Variants in CLHC1 observed in about 807,000 individuals in gnomAD.
CLHC1 encodes clathrin heavy chain linker domain containing 1.
In CLHC1, 72 loss-of-function variants were observed where a neutral mutation model predicts 69.5. The ratio of observed to expected loss-of-function variants is 1.04; its 90% confidence interval spans 0.86 to 1.26. The LOEUF is 1.26. Ranked by LOEUF, CLHC1 falls within the 50% of genes most tolerant of loss-of-function variation. The probability of loss-of-function intolerance (pLI) is 0.00; values close to 1 mark genes in which losing one functional copy is unlikely to be tolerated. For missense variants in CLHC1, 790 were observed against 679.3 expected, an observed-to-expected ratio of 1.16 and a Z score of -1.81; for synonymous variants, 223 against 224.3, an observed-to-expected ratio of 0.99 and a Z score of 0.05.
At chr2:55,231,980 A>C (rs1001708874) in intron 1 of CLHC1, 1 of 152,272 alleles carries the variant, frequency 6.6e-6, no homozygotes, top group African/African-American at 2.4e-5. Context: ...GAAAGGGCTG[A>C]ACCCCCGCTT....
At chr2:55,185,014 G>T (rs191415494) in intron 9 of CLHC1, among the ~76,000 whole-genome samples, 21 of 149,854 alleles carry the variant, frequency 1.4e-4, no homozygotes, top group Admixed American at 1.2e-3. Context: ...AATTCAATTA[G>T]ACTTTCAGGT....
intron 11 of CLHC1, among the ~76,000 whole-genome samples, chr2:55,178,592 C>T: frequency 6.6e-6 from 1 of 152,132 alleles, no homozygotes; most frequent in East Asian, 1.9e-4. Flanking sequence ...TGGGCTCACG[C>T]AGTCTCCCGC....
intron 7 of CLHC1, 21 bp from the exon 8 acceptor site, chr2:55,208,731 A>C: frequency 6.7e-7 from 1 of 1,491,482 alleles, no homozygotes; most frequent in Non-Finnish European, 9.3e-7. Context: ...TGAAAGTACT[A>C]CTGGAAGATA....
At chr2:55,185,391 T>C (rs1420691731) in intron 9 of CLHC1, among the ~76,000 whole-genome samples, 2 of 152,152 alleles carry the variant, frequency 1.3e-5, no homozygotes, top group Non-Finnish European at 2.9e-5. Flanking sequence ...TAGAAAAAGC[T>C]GAGGCTTATT....
intron 9 of CLHC1, among the ~76,000 whole-genome samples, chr2:55,191,124 C>T (rs1160811035): frequency 1.3e-5 from 2 of 152,194 alleles, no homozygotes; most frequent in Middle Eastern, 3.4e-3. Flanking sequence ...AGTAAAAATA[C>T]CTTTCAAAAG....
intron 5 of CLHC1, among the ~76,000 whole-genome samples, chr2:55,212,261 G>A (rs1573728273): frequency 6.6e-6 from 1 of 152,158 alleles, no homozygotes; most frequent in Non-Finnish European, 1.5e-5. Flanking sequence ...CTGGGTGACG[G>A]AGAGAGACTA....
chr2:55,191,619 C>G (rs1216558367), intron 9 of CLHC1, among the ~76,000 whole-genome samples: 2 of 151,944 alleles, frequency 1.3e-5, no homozygotes, highest in East Asian at 3.9e-4. Context: ...TGTTTTTATT[C>G]TATACATCAA....
At chr2:55,194,902 C>A (rs1205784224) in intron 9 of CLHC1, among the ~76,000 whole-genome samples, 1 of 151,938 alleles carries the variant, frequency 6.6e-6, no homozygotes, top group Non-Finnish European at 1.5e-5. Flanking sequence ...TTACACTCCA[C>A]TCTCTTAGCA....
chr2:55,203,462 T>C (rs746730476), intron 9 of CLHC1, among the ~76,000 whole-genome samples: 1 of 152,048 alleles, frequency 6.6e-6, no homozygotes, highest in South Asian at 2.1e-4. Context: ...TAAAAACAGA[T>C]GCACAGTCCA....
intron 9 of CLHC1, among the ~76,000 whole-genome samples, chr2:55,183,640 A>G (rs568796205): frequency 6.6e-6 from 1 of 152,282 alleles, no homozygotes; most frequent in Admixed American, 6.5e-5. Context: ...TCTCAGATAT[A>G]CTGTATTGTA....
At chr2:55,183,739 T>C (rs1318485436) in intron 9 of CLHC1, among the ~76,000 whole-genome samples, 1 of 152,204 alleles carries the variant, frequency 6.6e-6, no homozygotes, top group East Asian at 1.9e-4. Flanking sequence ...TCTTAACCAA[T>C]AACCCTAACA....
At chr2:55,182,106 G>C (rs571096305) in intron 9 of CLHC1, among the ~76,000 whole-genome samples, 1 of 151,908 alleles carries the variant, frequency 6.6e-6, no homozygotes, top group Non-Finnish European at 1.5e-5. Context: ...AACTGTGAGC[G>C]AATATATTTT....
chr2:55,197,784 C>A (rs1385472452), intron 9 of CLHC1, among the ~76,000 whole-genome samples: 2 of 152,100 alleles, frequency 1.3e-5, no homozygotes, highest in Non-Finnish European at 2.9e-5. Flanking sequence ...TTCTTCAATG[C>A]CCAGACACAG....
At chr2:55,184,179 C>T (rs1670196991) in intron 9 of CLHC1, among the ~76,000 whole-genome samples, 1 of 148,718 alleles carries the variant, frequency 6.7e-6, no homozygotes, top group Non-Finnish European at 1.5e-5. Context: ...GATCACGGCT[C>T]ACTGTAATCT....
intron 2 of CLHC1, chr2:55,224,998 C>T (rs1206000852): frequency 6.3e-6 from 1 of 157,558 alleles, no homozygotes; most frequent in Non-Finnish European, 1.4e-5. Flanking sequence ...TGGAGTCCAG[C>T]TTGTAGCAGC....
chr2:55,222,618 A>G (rs1310166855), intron 2 of CLHC1, 125 bp from the exon 3 acceptor site: 2 of 430,796 alleles, frequency 4.6e-6, no homozygotes, highest in Non-Finnish European at 4.1e-6. Context: ...ACTTCAACCT[A>G]TGTATTAAAA....
intron 3 of CLHC1, 75 bp from the exon 4 acceptor site, chr2:55,218,073 CATT>C: frequency 1.4e-6 from 1 of 700,088 alleles, no homozygotes. Context: ...TTGCAAATAA[CATT>C]ATAGATTATT....
At chr2:55,225,538 G>T (rs1368394554) in intron 2 of CLHC1, 2 of 152,250 alleles carry the variant, frequency 1.3e-5, no homozygotes, top group Non-Finnish European at 2.9e-5. Flanking sequence ...CAGCCTCTCT[G>T]TAAGCTCTGG....
At chr2:55,214,525 A>G (rs1673314336) in intron 4 of CLHC1, 1 of 152,274 alleles carries the variant, frequency 6.6e-6, no homozygotes, top group Non-Finnish European at 1.5e-5. Context: ...AAAATAAAAT[A>G]AAAAACGAGT....
Sources: gnomAD v4.1 joint callset for allele counts (sites outside exome capture counted in the v4.1 genomes callset) on GRCh38, gnomAD v4.1.1 for gene constraint, MANE v1.5 for transcripts, NCBI Gene and HGNC (gene_info 2026-07-23, HGNC 2026-07-21) for gene names.